Variants in CYP2C19 observed in about 807,000 individuals in gnomAD.
CYP2C19 encodes cytochrome P450 2C19.
Under a neutral mutation model 40.9 loss-of-function variants are expected in CYP2C19, and 59 were observed. That is an observed-to-expected ratio of 1.44 (90% CI 1.17 to 1.79). CYP2C19 has a LOEUF of 1.79. Among genes scored for constraint, CYP2C19 ranks in the 40% most tolerant of loss-of-function variants. The pLI is 0.00. For missense variants in CYP2C19, 754 were observed against 596.9 expected, an observed-to-expected ratio of 1.26 and a Z score of -2.74; for synonymous variants, 253 against 208.7, an observed-to-expected ratio of 1.21 and a Z score of -1.83.
chr10:94,773,828 A>T (rs1157106146), intron 1 of CYP2C19: 23 of 152,224 alleles, frequency 1.5e-4, no homozygotes, highest in Admixed American at 1.5e-3. Context: ...AAACTTCCAC[A>T]ATATGGAAGG....
In CYP2C19 at chr10:94,804,537, C is replaced by T. The variant is rs565148614; in HGVS notation, c.820-15959C>T. ...TGTGCAGCTTTTCCTGGTGTCTTTC[C>T]CTCTCAGCATGTTCAAGCCTCTCCC... On this transcript the variant is annotated intron_variant, in intron 5 of 8. Transcript: ENST00000371321. 4.6e-5 allele frequency among the ~76,000 whole-genome samples: 7 copies of T among 152,298 alleles called. No individual in the cohort carries two copies. In the East Asian group the frequency reaches 1.2e-3, roughly 25 times the overall value.
At chr10:94,849,420 G>C (rs559216547) in intron 7 of CYP2C19, among the ~76,000 whole-genome samples, 1 of 144,102 alleles carries the variant, frequency 6.9e-6, no homozygotes, top group Admixed American at 6.8e-5. Flanking sequence ...GGTCAGAAGA[G>C]TACAAAGAGA....
chr10:94,835,944 A>G (rs187705903), intron 6 of CYP2C19, among the ~76,000 whole-genome samples: 324 of 152,302 alleles, frequency 2.1e-3, no homozygotes, highest in Non-Finnish European at 3.5e-3. Flanking sequence ...CGGAACTTCC[A>G]TCAGTGTACA....
intron 5 of CYP2C19, among the ~76,000 whole-genome samples, chr10:94,796,529 A>G (rs1269799815): frequency 4.6e-5 from 7 of 152,116 alleles, no homozygotes; most frequent in African/African-American, 1.4e-4. Flanking sequence ...CAATTCTGTG[A>G]AGAAAGTCAT....
At chr10:94,829,442 C>A (rs574698482) in intron 6 of CYP2C19, among the ~76,000 whole-genome samples, 2 of 152,186 alleles carry the variant, frequency 1.3e-5, no homozygotes, top group Non-Finnish European at 2.9e-5. Context: ...TCCAGTTGAT[C>A]GCATTGGCTC....
intron 1 of CYP2C19, among the ~76,000 whole-genome samples, chr10:94,770,297 C>T (rs1048439853): frequency 3.3e-5 from 5 of 152,132 alleles, no homozygotes; most frequent in Admixed American, 3.3e-4. Context: ...CTTGGCATAG[C>T]AGACATGGGT....
At chr10:94,826,854 A>G (rs568435046) in intron 6 of CYP2C19, among the ~76,000 whole-genome samples, 1 of 152,272 alleles carries the variant, frequency 6.6e-6, no homozygotes, top group East Asian at 1.9e-4. Context: ...ATTTATTGAG[A>G]GTTTTTAGCA....
intron 3 of CYP2C19, among the ~76,000 whole-genome samples, chr10:94,779,364 CT>C (rs1363262340): frequency 6.6e-6 from 1 of 151,910 alleles, no homozygotes; most frequent in Non-Finnish European, 1.5e-5. Flanking sequence ...ACAAGAAAAC[CT>C]TTTGTATAAT....
chr10:94,810,212 C>T (rs1425059897), intron 5 of CYP2C19, among the ~76,000 whole-genome samples: 2 of 152,184 alleles, frequency 1.3e-5, no homozygotes, highest in Non-Finnish European at 2.9e-5. Flanking sequence ...TTGAACGAGC[C>T]TTGCATCCCA....
At chr10:94,809,245 G>A (rs1406580762) in intron 5 of CYP2C19, among the ~76,000 whole-genome samples, 2 of 152,092 alleles carry the variant, frequency 1.3e-5, no homozygotes, top group Non-Finnish European at 2.9e-5. Context: ...GTTGGGAAAC[G>A]TCTATTCAAA....
At chr10:94,780,364 C>G (rs1848463802) in intron 3 of CYP2C19, 135 bp from the exon 4 acceptor site, 1 of 1,145,402 alleles carries the variant, frequency 8.7e-7, no homozygotes. Context: ...GCATGCCAAA[C>G]TCTTTTTTGC....
rs189017638 is a variant in CYP2C19 at position 94,829,045 on chromosome 10, A to T, written c.961+8408A>T. On this transcript the variant is annotated intron_variant, in intron 6 of 8. Transcript: ENST00000371321. ...TGCCGAGAGATCTGCTGTTAGTCAGATGGGCTTCCCTTTGAGGGTAACCCG... is the reference window on the plus strand; with the variant it reads ...TGCCGAGAGATCTGCTGTTAGTCAGTTGGGCTTCCCTTTGAGGGTAACCCG... 1.6e-3 allele frequency among the ~76,000 whole-genome samples: 240 copies of T among 152,314 alleles called. 1 individual carries two copies. The highest frequency in any genetic ancestry group is 2.7e-3 in the Non-Finnish European group (187 of 68,034).
intron 3 of CYP2C19, 126 bp downstream of exon 3, chr10:94,775,665 C>CG (rs1249922143): frequency 7.1e-6 from 11 of 1,542,512 alleles, no homozygotes; most frequent in African/African-American, 6.8e-5. Flanking sequence ...TCATGTGAAG[C>CG]AGGGTTTGAA....
intron 6 of CYP2C19, among the ~76,000 whole-genome samples, chr10:94,826,242 C>G (rs1305350908): frequency 6.6e-6 from 1 of 151,938 alleles, no homozygotes; most frequent in South Asian, 2.1e-4. Flanking sequence ...TGTAAATTAC[C>G]TTGGGCAGTA....
intron 5 of CYP2C19, among the ~76,000 whole-genome samples, chr10:94,817,227 C>G (rs1032235179): frequency 2.7e-5 from 4 of 147,612 alleles, no homozygotes; most frequent in African/African-American, 1.0e-4. Context: ...TCTCCACATC[C>G]TCTCCAGCAC....
intron 5 of CYP2C19, among the ~76,000 whole-genome samples, chr10:94,798,107 T>G (rs2134250748): frequency 6.6e-6 from 1 of 152,298 alleles, no homozygotes; most frequent in South Asian, 2.1e-4. Flanking sequence ...AGATCTTTTC[T>G]GCTTTCTCTT....
chr10:94,782,884 TCA>T (rs1848497345), intron 5 of CYP2C19, among the ~76,000 whole-genome samples: 1 of 152,054 alleles, frequency 6.6e-6, no homozygotes, highest in African/African-American at 2.4e-5. Context: ...CCGTATGTTC[TCA>T]CTCATAAGTG....
intron 5 of CYP2C19, among the ~76,000 whole-genome samples, chr10:94,801,430 T>A (rs1210522193): frequency 6.6e-6 from 1 of 152,240 alleles, no homozygotes; most frequent in Admixed American, 6.5e-5. Context: ...TCCTGAGTTC[T>A]AAGTTGATTG....
At chr10:94,815,700 A>T (rs186493496) in intron 5 of CYP2C19, among the ~76,000 whole-genome samples, 2 of 152,304 alleles carry the variant, frequency 1.3e-5, no homozygotes, top group Non-Finnish European at 2.9e-5. Flanking sequence ...GCATTCTAGA[A>T]AAAGTTGTCT....
Sources: allele counts gnomAD v4.1 joint callset (sites outside exome capture counted in the v4.1 genomes callset), GRCh38; gene constraint gnomAD v4.1.1; transcripts MANE v1.5; gene names NCBI Gene and HGNC (gene_info 2026-07-23, HGNC 2026-07-21).